The following SLC35A3 variants were observed in gnomAD, a reference collection of about 807,000 sequenced individuals.
The protein encoded by SLC35A3 is solute carrier family 35 member A3, also known as UDP-N-acetylglucosamine transporter.
Under a neutral mutation model 39.0 loss-of-function variants are expected in SLC35A3, and 26 were observed. The ratio of observed to expected loss-of-function variants is 0.67; its 90% CI spans 0.49 to 0.92. The LOEUF is 0.92. Ranked by LOEUF, SLC35A3 falls within the 40% of genes least tolerant of loss-of-function variation. The pLI is 0.00. For synonymous variants in SLC35A3, 135 were observed against 133.1 expected, an observed-to-expected ratio of 1.01 and a Z score of -0.10; for missense variants, 299 against 371.6, an observed-to-expected ratio of 0.80 and a Z score of 1.61.
chr1:99,991,082 G>A (rs1658054172), intron 1 of SLC35A3, among the ~76,000 whole-genome samples: 1 of 152,196 alleles, frequency 6.6e-6, no homozygotes, highest in African/African-American at 2.4e-5. Flanking sequence ...TAAGACATAT[G>A]GATCTAAATC....
At chr1:99,972,735 GTTA>G (rs1656893231) in intron 1 of SLC35A3, among the ~76,000 whole-genome samples, 1 of 152,154 alleles carries the variant, frequency 6.6e-6, no homozygotes, top group African/African-American at 2.4e-5. Context: ...GAAACAGACT[GTTA>G]TTGTGCTTCT....
chr1:100,026,360 GTTAT>G lies in SLC35A3; in HGVS notation c.*3888_*3891del, dbSNP rs1413445442. 10 of 152,086 alleles carry G rather than the reference GTTAT, an allele frequency of 6.6e-5. No homozygotes were observed. The highest frequency in any genetic ancestry group is 3.9e-4 in the Admixed American group (6 of 15,274). The allele number at this position is 152,086 out of a possible 1,614,324, so 9.4% of individuals were successfully genotyped here. ...TGAAAGTCATCTTAAGAATCTCCAG[GTTAT>G]TTAAAGTAGTTATAGGAGCAGAGAA... On this transcript the variant is annotated 3_prime_UTR_variant, in exon 8 of 8. Coordinates refer to ENST00000533028, the MANE Select transcript of SLC35A3 (RefSeq NM_012243.3).
chr1:100,021,921 C>A (rs1483518383), intron 7 of SLC35A3, among the ~76,000 whole-genome samples: 1 of 152,104 alleles, frequency 6.6e-6, no homozygotes, highest in Non-Finnish European at 1.5e-5. Flanking sequence ...ATAAAATATT[C>A]CTTTCGTATG....
At chr1:100,022,045 C>T (rs898051188) in intron 7 of SLC35A3, among the ~76,000 whole-genome samples, 4 of 152,190 alleles carry the variant, frequency 2.6e-5, no homozygotes, top group Admixed American at 6.5e-5. Flanking sequence ...ATAGTGCAGT[C>T]GATGAGAGTG....
At position 100,033,886 on chromosome 1, in the gene SLC35A3, C is replaced by T. The variant is rs1036365948; in HGVS notation, c.*11410C>T. The T allele has an allele frequency of 4.6e-5, 7 of 152,132 alleles. No individual in the cohort carries two copies. The highest frequency in any genetic ancestry group is 1.7e-4 in the African/African-American group (7 of 41,422). The allele number at this position is 152,132 out of a possible 1,614,324, so 9.4% of individuals were successfully genotyped here. On this transcript the variant is annotated 3_prime_UTR_variant, in exon 8 of 8. Transcript: ENST00000533028. ...GATACTTACCTGAAGTCTCTCTGGT[C>T]AACTTTTGGCTGGATGAAGCTCTTC... is the stretch of plus-strand genomic sequence containing the variant.
At chr1:99,978,582 T>G (rs1657259644) in intron 1 of SLC35A3, among the ~76,000 whole-genome samples, 1 of 152,180 alleles carries the variant, frequency 6.6e-6, no homozygotes, top group Admixed American at 6.5e-5. Context: ...CAAATTGATG[T>G]TTTCTAAACT....
Position 100,024,872 on chromosome 1 carries a change from A to G in SLC35A3, c.*2396A>G. 1 of 376,326 alleles carries G rather than the reference A, an allele frequency of 2.7e-6. No homozygotes were observed. 23.3% of individuals were successfully genotyped at this position (376,326 alleles called of 1,614,324 possible). On this transcript the variant is annotated 3_prime_UTR_variant, in exon 8 of 8. Transcript: ENST00000533028. The stretch of plus-strand genomic sequence containing the variant: ...TATATAGCTCTCATGGATTTTATTA[A>G]ACAGAATTGGCTCAAAAATACTATG...
intron 1 of SLC35A3, among the ~76,000 whole-genome samples, chr1:99,987,617 CCTAATGTAGG>C (rs1396348424): frequency 6.6e-6 from 1 of 151,992 alleles, no homozygotes; most frequent in Admixed American, 6.6e-5. Flanking sequence ...TGGTACTTAG[CCTAATGTAGG>C]CATGAAATAA....
chr1:99,982,522 G>A (rs1368942068), intron 1 of SLC35A3, among the ~76,000 whole-genome samples: 1 of 152,038 alleles, frequency 6.6e-6, no homozygotes, highest in East Asian at 1.9e-4. Flanking sequence ...ACTCGTAGTT[G>A]GCTGATAAAA....
chr1:100,003,137 T>G (rs1658932132), intron 3 of SLC35A3, among the ~76,000 whole-genome samples: 1 of 151,934 alleles, frequency 6.6e-6, no homozygotes, highest in South Asian at 2.1e-4. Flanking sequence ...TTTTCTAGGC[T>G]GGGCACAGTG....
intron 3 of SLC35A3, among the ~76,000 whole-genome samples, chr1:100,000,336 T>C (rs1457241288): frequency 6.6e-6 from 1 of 152,138 alleles, no homozygotes; most frequent in Non-Finnish European, 1.5e-5. Context: ...ACTAGTGATG[T>C]TGAGCATTTT....
In SLC35A3 at chr1:100,027,289, A is replaced by C. The variant is rs367787127; in HGVS notation, c.*4813A>C. 2 of 397,230 alleles carry C rather than the reference A, an allele frequency of 5.0e-6. No homozygotes were observed. Among genetic ancestry groups the C allele is most frequent in the Admixed American group, 4.4e-5 (1 of 22,682 alleles). The allele number at this position is 397,230 out of a possible 1,614,324, so 24.6% of individuals were successfully genotyped here. On this transcript the variant is annotated 3_prime_UTR_variant, in exon 8 of 8. Coordinates refer to ENST00000533028, the MANE Select transcript of SLC35A3 (RefSeq NM_012243.3). ...CAACATAGCCTTGTTTCTACAAAAA[A>C]TCTTAAAAATAAAATTAGCCAATAT... is the stretch of plus-strand genomic sequence containing the variant.
At chr1:100,013,725 C>T (rs1259015400) in intron 5 of SLC35A3, among the ~76,000 whole-genome samples, 1 of 151,348 alleles carries the variant, frequency 6.6e-6, no homozygotes, top group Non-Finnish European at 1.5e-5. Flanking sequence ...ATATGTAATA[C>T]CATCATATAA....
At chr1:99,990,118 G>C (rs1657989034) in intron 1 of SLC35A3, among the ~76,000 whole-genome samples, 2 of 151,950 alleles carry the variant, frequency 1.3e-5, no homozygotes, top group Non-Finnish European at 1.5e-5. Flanking sequence ...TGTGCTTTTT[G>C]TATCCTAAGA....
chr1:100,002,034 G>A (rs1658854995), intron 3 of SLC35A3, among the ~76,000 whole-genome samples: 1 of 151,968 alleles, frequency 6.6e-6, no homozygotes, highest in Non-Finnish European at 1.5e-5. Flanking sequence ...AGGATTTTTG[G>A]GTTCTCTGTT....
At chr1:99,992,478 G>A (rs1287449576) in intron 1 of SLC35A3, among the ~76,000 whole-genome samples, 2 of 151,958 alleles carry the variant, frequency 1.3e-5, no homozygotes, top group Non-Finnish European at 2.9e-5. Flanking sequence ...GTCTCCTGGA[G>A]TAATACTGAA....
intron 1 of SLC35A3, chr1:99,970,539 G>T: frequency 6.5e-7 from 1 of 1,535,640 alleles, no homozygotes; most frequent in South Asian, 1.2e-5. Flanking sequence ...AACATCCCAT[G>T]AGCTCTCGCT....
chr1:100,015,170 A>AG (rs1660004785), intron 5 of SLC35A3, 132 bp from the exon 6 acceptor site: 1 of 977,884 alleles, frequency 1.0e-6, no homozygotes, highest in East Asian at 3.1e-5. Context: ...AAAAAAAAAA[A>AG]AAAAAAAGAA....
chr1:100,015,399 C>T lies in SLC35A3; in HGVS notation c.732C>T (p.Thr244=), dbSNP rs1461286415. Residue 244 remains threonine (T), a synonymous_variant, in exon 6 of 8, where the codon ACC becomes ACT. Transcript: ENST00000533028. The part of the protein sequence containing the change: ...NGFFQGYNRL[T]WIVVVLQALG... ...TTTTTCAGGGATATAACCGACTGAC[C>T]TGGATAGTAGTTGTTCTTCAGGTAA... is the stretch of plus-strand genomic sequence containing the variant. The T allele has an allele frequency of 6.2e-7, 1 of 1,610,650 alleles. No homozygotes were observed. Among genetic ancestry groups the T allele is most frequent in the Admixed American group, 1.7e-5 (1 of 59,382 alleles).
Sources: allele counts gnomAD v4.1 joint callset (sites outside exome capture counted in the v4.1 genomes callset), GRCh38; gene constraint gnomAD v4.1.1; transcripts MANE v1.5; gene names NCBI Gene and HGNC (gene_info 2026-07-23, HGNC 2026-07-21).